Variants in UNC13C observed in about 807,000 individuals in gnomAD.
UNC13C encodes unc-13 homolog C, also known as protein unc-13 homolog C.
UNC13C carries 174 observed loss-of-function variants against 245.4 expected under a neutral mutation model. That is an observed-to-expected ratio of 0.71 (90% CI 0.63 to 0.80). The LOEUF is 0.80. UNC13C is among the 30% of genes least tolerant of loss of function. The pLI, the probability that UNC13C is intolerant of heterozygous loss-of-function variation, is 0.00. For synonymous variants in UNC13C, 992 were observed against 895.1 expected (o/e 1.11, Z -1.93); for missense variants, 2,829 against 2,602.9 (o/e 1.09, Z -1.89).
chr15:54,367,636 G>A (rs2140876941), intron 17 of UNC13C, among the ~76,000 whole-genome samples: 1 of 152,250 alleles, frequency 6.6e-6, no homozygotes, highest in East Asian at 1.9e-4. Context: ...GACAGAGAAT[G>A]TAAATGATCC....
chr15:54,340,160 G>T (rs2038695002), intron 17 of UNC13C, among the ~76,000 whole-genome samples: 1 of 152,000 alleles, frequency 6.6e-6, no homozygotes, highest in Non-Finnish European at 1.5e-5. Flanking sequence ...ATTTGTTTGA[G>T]TTTCTTGTAG....
intron 2 of UNC13C, among the ~76,000 whole-genome samples, chr15:54,127,997 C>T (rs959338707): frequency 4.6e-5 from 7 of 151,762 alleles, no homozygotes; most frequent in African/African-American, 1.7e-4. Context: ...TCTGAAGATA[C>T]GATTCTATAC....
intron 19 of UNC13C, among the ~76,000 whole-genome samples, chr15:54,458,160 G>C (rs889663200): frequency 6.6e-6 from 1 of 151,778 alleles, no homozygotes; most frequent in African/African-American, 2.4e-5. Context: ...ATCATTCGGG[G>C]CAGATTATTT....
At position 54,108,794 on chromosome 15, in the gene UNC13C, T is replaced by G. The variant is rs190358148; in HGVS notation, c.2984-34224T>G. Among the ~76,000 whole-genome samples, 7 of 149,876 alleles carry G rather than the reference T, an allele frequency of 4.7e-5. No individual in the cohort carries two copies. In the East Asian group the frequency reaches 1.4e-3, roughly 29 times the overall value. On this transcript the variant is annotated intron_variant, in intron 2 of 32. Coordinates refer to ENST00000260323, the MANE Select transcript of UNC13C (RefSeq NM_001080534.3). ...AGGTGGAGGCATACAGTAAGCCAAA[T>G]TTCTCTCTCTTGGTTGATTTCATGA...
chr15:54,580,571 T>G (rs971510536), intron 30 of UNC13C, among the ~76,000 whole-genome samples: 20 of 152,198 alleles, frequency 1.3e-4, no homozygotes, highest in African/African-American at 4.8e-4. Flanking sequence ...GCCTCAATTT[T>G]GTCATCTGTA....
At chr15:54,384,857 A>C (rs2039803693) in intron 17 of UNC13C, among the ~76,000 whole-genome samples, 1 of 152,176 alleles carries the variant, frequency 6.6e-6, no homozygotes, top group Non-Finnish European at 1.5e-5. Context: ...AAGGATATGA[A>C]TAGATATTTC....
chr15:54,087,908 A>G (rs892879591), intron 2 of UNC13C, among the ~76,000 whole-genome samples: 14 of 152,212 alleles, frequency 9.2e-5, no homozygotes, highest in African/African-American at 3.1e-4. Context: ...TATTGGGAGA[A>G]AAGGCACTTT....
At chr15:54,141,226 T>G (rs775626088) in intron 2 of UNC13C, among the ~76,000 whole-genome samples, 1 of 152,320 alleles carries the variant, frequency 6.6e-6, no homozygotes, top group Non-Finnish European at 1.5e-5. Context: ...ACTCTTTTAT[T>G]TGCTGTAATA....
the UNC13C span, among the ~76,000 whole-genome samples, chr15:53,970,931 T>C: frequency 6.6e-6 from 1 of 152,210 alleles, no homozygotes; most frequent in African/African-American, 2.4e-5. Flanking sequence ...GAGGAACTTT[T>C]CTACTGTTTT....
chr15:54,510,210 T>C (rs755868714), intron 23 of UNC13C, among the ~76,000 whole-genome samples: 34 of 152,180 alleles, frequency 2.2e-4, no homozygotes, highest in Non-Finnish European at 4.7e-4. Context: ...CTGTTTCTCA[T>C]TATAAGTCAT....
chr15:53,978,179 T>C (rs1203335268), upstream of UNC13C, among the ~76,000 whole-genome samples: 1 of 152,238 alleles, frequency 6.6e-6, no homozygotes, highest in Admixed American at 6.5e-5. Flanking sequence ...GACTGTCTCC[T>C]AGGTCATCAT....
Position 54,562,285 on chromosome 15 carries a change from A to T in UNC13C, c.5959-5515A>T, listed in dbSNP as rs190532483. ...CAAAGGTAGAATGGATATTTCTGCT[A>T]CCATTCTATAAATGAATTAACTGAT... On this transcript the variant is annotated intron_variant, in intron 29 of 32. Coordinates refer to ENST00000260323, the MANE Select transcript of UNC13C (RefSeq NM_001080534.3). 8.5e-5 allele frequency among the ~76,000 whole-genome samples: 13 copies of T among 152,168 alleles called. No individual in the cohort carries two copies. The East Asian group carries it at 2.5e-3, about 29-fold the overall frequency.
At chr15:54,631,601 G>T (rs1901458619), downstream of UNC13C, 1 of 152,100 alleles carries the variant, frequency 6.6e-6, no homozygotes, top group African/African-American at 2.4e-5. Flanking sequence ...GAACTATACA[G>T]TATATATTCT....
At chr15:54,107,641 T>G (rs938706689) in intron 2 of UNC13C, among the ~76,000 whole-genome samples, 3 of 152,176 alleles carry the variant, frequency 2.0e-5, no homozygotes, top group Non-Finnish European at 4.4e-5. Flanking sequence ...TGCTGCTTCT[T>G]TTATGCAGAA....
At chr15:53,862,808 G>A in the UNC13C span, among the ~76,000 whole-genome samples, 5 of 151,754 alleles carry the variant, frequency 3.3e-5, no homozygotes, top group Admixed American at 2.0e-4. Context: ...CCATCTGTAA[G>A]TAACATCACT....
the UNC13C span, among the ~76,000 whole-genome samples, chr15:53,948,849 A>G: frequency 6.6e-6 from 1 of 152,082 alleles, no homozygotes; most frequent in African/African-American, 2.4e-5. Context: ...CTGAGACTGA[A>G]TCAAAAGGCA....
In UNC13C at chr15:54,293,917, C is replaced by T. The variant is rs770810832; in HGVS notation, c.3841C>T (p.Arg1281Ter). The change falls in exon 11 of 33, where the codon CGA becomes TGA. Residue 1281 changes from arginine (R) to a stop codon, truncating the protein, a stop_gained. Coordinates refer to ENST00000260323, the MANE Select transcript of UNC13C (RefSeq NM_001080534.3). LOFTEE classifies it high-confidence loss of function. ...CAGTGAGTGTCATAACTCCACAGAT[C>T]GAATCAAAGTCAGAGTATGGGATGA... ...FYFECHNSTDRIKVRVWDEDD... is the reference protein window; with the variant it reads ...FYFECHNSTD 3 of 1,575,822 alleles carry T rather than the reference C, an allele frequency of 1.9e-6. No individual in the cohort carries two copies. The highest frequency in any genetic ancestry group is 2.6e-6 in the Non-Finnish European group (3 of 1,165,106).
intron 5 of UNC13C, among the ~76,000 whole-genome samples, chr15:54,235,390 A>T (rs2035665680): frequency 6.6e-6 from 1 of 152,218 alleles, no homozygotes; most frequent in South Asian, 2.1e-4. Flanking sequence ...CAGCATACCA[A>T]GCAAGTGAAT....
the UNC13C span, among the ~76,000 whole-genome samples, chr15:53,950,197 A>G: frequency 3.3e-5 from 5 of 152,284 alleles, no homozygotes; most frequent in African/African-American, 1.2e-4. Context: ...ATGATCAGGT[A>G]TTGAAAGCCC....
Sources: gnomAD v4.1 joint callset for allele counts (sites outside exome capture counted in the v4.1 genomes callset) on GRCh38, gnomAD v4.1.1 for gene constraint, MANE v1.5 for transcripts, NCBI Gene and HGNC (gene_info 2026-07-23, HGNC 2026-07-21) for gene names.